PARVA: variants seen among roughly 807,000 people sequenced by gnomAD.
PARVA encodes alpha-parvin.
Under a neutral mutation model 52.6 loss-of-function variants are expected in PARVA, and 25 were observed. The observed-to-expected ratio is 0.48, with a 90% CI of 0.35 to 0.66. The LOEUF (loss-of-function observed/expected upper bound fraction) is 0.66, where lower values mean the gene tolerates loss of function less well. PARVA is among the 30% of genes least tolerant of loss of function. PARVA has a pLI of 0.01. For synonymous variants in PARVA, 185 were observed against 179.1 expected, an observed-to-expected ratio of 1.03 and a Z score of -0.26; for missense variants, 373 against 450.9, an observed-to-expected ratio of 0.83 and a Z score of 1.56.
At position 12,531,604 on chromosome 11, in the gene PARVA, G is replaced by A. The variant is rs573089342; in HGVS notation, c.*3679G>A. ...GGTGAAACAGTTTTGCCGTGCCTAA[G>A]TGGAGGCTGATCAAAACTAATTTGA... On this transcript the variant is annotated 3_prime_UTR_variant, in exon 13 of 13. Transcript: ENST00000334956. Among the ~76,000 whole-genome samples the A allele has an allele frequency of 6.6e-6, 1 of 152,004 alleles. No individual in the cohort carries two copies. Among genetic ancestry groups the A allele is most frequent in the East Asian group, 1.9e-4 (1 of 5,180 alleles).
chr11:12,424,344 A>G (rs920197181), intron 1 of PARVA, among the ~76,000 whole-genome samples: 1 of 150,306 alleles, frequency 6.7e-6, no homozygotes, highest in Non-Finnish European at 1.5e-5. Context: ...TTCTCTATTT[A>G]TTTTTCATCG....
chr11:12,495,634 A>G (rs1331418663), intron 4 of PARVA, among the ~76,000 whole-genome samples: 3 of 144,570 alleles, frequency 2.1e-5, no homozygotes, highest in South Asian at 4.5e-4. Flanking sequence ...TTTTTTAAGT[A>G]TTAAGGTGTT....
chr11:12,381,258 G>A lies in PARVA; in HGVS notation c.136+3475G>A, dbSNP rs900143307. 2.0e-5 allele frequency among the ~76,000 whole-genome samples: 3 copies of A among 152,170 alleles called. No homozygotes were observed. The South Asian group carries it at 6.2e-4, about 32-fold the overall frequency. On this transcript the variant is annotated intron_variant, in intron 1 of 12. Transcript: ENST00000334956. Reference sequence around the variant, plus strand: ...CCATCACTTCAGTAATAATAAGGCCGGATCTTGCTCTGCATCCTGGATAAG... The same window carrying A: ...CCATCACTTCAGTAATAATAAGGCCAGATCTTGCTCTGCATCCTGGATAAG...
chr11:12,515,493 C>A (rs1564868611), intron 10 of PARVA, among the ~76,000 whole-genome samples: 1 of 152,178 alleles, frequency 6.6e-6, no homozygotes, highest in African/African-American at 2.4e-5. Flanking sequence ...AGTGCTATGA[C>A]AGGGGTCACT....
At chr11:12,493,227 A>C (rs575413864) in intron 4 of PARVA, among the ~76,000 whole-genome samples, 1 of 151,900 alleles carries the variant, frequency 6.6e-6, no homozygotes, top group South Asian at 2.1e-4. Context: ...GTGGTGGTGC[A>C]TGCCTGTAAT....
At chr11:12,494,533 C>G (rs1004787022) in intron 4 of PARVA, among the ~76,000 whole-genome samples, 5 of 152,006 alleles carry the variant, frequency 3.3e-5, no homozygotes, top group Non-Finnish European at 7.4e-5. Context: ...GGACAAAACC[C>G]AAATATTATA....
At chr11:12,430,448 T>C (rs980945291) in intron 1 of PARVA, among the ~76,000 whole-genome samples, 1 of 152,188 alleles carries the variant, frequency 6.6e-6, no homozygotes, top group Non-Finnish European at 1.5e-5. Flanking sequence ...GGTAAAAGTC[T>C]CCTCTTTGGG....
intron 7 of PARVA, among the ~76,000 whole-genome samples, chr11:12,508,986 C>T (rs910722002): frequency 3.3e-5 from 5 of 151,660 alleles, no homozygotes; most frequent in Non-Finnish European, 5.9e-5. Context: ...TTCAAAAGGA[C>T]GTTTTTCTTC....
At chr11:12,440,787 A>C (rs995141590) in intron 1 of PARVA, among the ~76,000 whole-genome samples, 1 of 152,212 alleles carries the variant, frequency 6.6e-6, no homozygotes, top group African/African-American at 2.4e-5. Flanking sequence ...GGGCCCCTCC[A>C]TGTCAGCAAC....
intron 12 of PARVA, among the ~76,000 whole-genome samples, chr11:12,523,917 C>G (rs1941669326): frequency 6.6e-6 from 1 of 152,248 alleles, no homozygotes; most frequent in Non-Finnish European, 1.5e-5. Context: ...CTTCTCCTGG[C>G]TGAGATAGTC....
chr11:12,498,092 G>A (rs1941320921), intron 5 of PARVA, among the ~76,000 whole-genome samples: 1 of 152,102 alleles, frequency 6.6e-6, no homozygotes, highest in Non-Finnish European at 1.5e-5. Context: ...GGAGGGCAGT[G>A]GTGCAATCTC....
chr11:12,390,344 TCAC>T (rs1939639789), intron 1 of PARVA, among the ~76,000 whole-genome samples: 3 of 152,174 alleles, frequency 2.0e-5, no homozygotes, highest in Admixed American at 2.0e-4. Context: ...GTAGTTCTAA[TCAC>T]CATGTTTAGG....
intron 1 of PARVA, among the ~76,000 whole-genome samples, chr11:12,442,987 G>A (rs183615682): frequency 7.6e-4 from 115 of 150,558 alleles, no homozygotes; most frequent in African/African-American, 2.7e-3. Context: ...TCAGTCTCCC[G>A]AGTAGCTGGG....
At chr11:12,482,920 C>T (rs940268321) in intron 4 of PARVA, among the ~76,000 whole-genome samples, 1 of 152,222 alleles carries the variant, frequency 6.6e-6, no homozygotes, top group African/African-American at 2.4e-5. Context: ...GCAGGGACTT[C>T]TTGGCAGAGA....
intron 1 of PARVA, among the ~76,000 whole-genome samples, chr11:12,434,224 G>A (rs1940356066): frequency 6.6e-6 from 1 of 152,160 alleles, no homozygotes; most frequent in African/African-American, 2.4e-5. Flanking sequence ...TGGGGGGCAA[G>A]GCCCACATAC....
chr11:12,501,316 AT>A (rs1941361221), intron 5 of PARVA, among the ~76,000 whole-genome samples: 1 of 151,682 alleles, frequency 6.6e-6, no homozygotes, highest in South Asian at 2.1e-4. Flanking sequence ...ATATAGATAT[AT>A]ACACATATAC....
chr11:12,493,245 A>T (rs1941254387), intron 4 of PARVA, among the ~76,000 whole-genome samples: 1 of 151,838 alleles, frequency 6.6e-6, no homozygotes, highest in Non-Finnish European at 1.5e-5. Context: ...AATCCCAGCT[A>T]CTTAGGAGGC....
At chr11:12,445,039 T>A (rs1940525572) in intron 1 of PARVA, among the ~76,000 whole-genome samples, 1 of 152,182 alleles carries the variant, frequency 6.6e-6, no homozygotes, top group African/African-American at 2.4e-5. Flanking sequence ...ACTAGATTTT[T>A]AACCCTTGAG....
intron 1 of PARVA, among the ~76,000 whole-genome samples, chr11:12,433,180 C>A (rs1940339121): frequency 6.6e-6 from 1 of 152,152 alleles, no homozygotes; most frequent in South Asian, 2.1e-4. Flanking sequence ...TTTGCGACGA[C>A]CTTACCCAGC....
Sources: gnomAD v4.1 joint callset for allele counts (sites outside exome capture counted in the v4.1 genomes callset) on GRCh38, gnomAD v4.1.1 for gene constraint, MANE v1.5 for transcripts, NCBI Gene and HGNC (gene_info 2026-07-23, HGNC 2026-07-21) for gene names.